PTPRD: variants seen among roughly 807,000 people sequenced by gnomAD.
PTPRD encodes the protein protein tyrosine phosphatase receptor type D.
In PTPRD, 34 loss-of-function variants were observed where a neutral mutation model predicts 214.5. The ratio of observed to expected loss-of-function variants is 0.16; its 90% CI spans 0.12 to 0.21. The LOEUF is 0.21. Among genes scored for constraint, PTPRD ranks in the 10% least tolerant of loss-of-function variants. The pLI is 1.00. For missense variants in PTPRD, 2,545 were observed against 2,398.7 expected (o/e 1.06, Z -1.27); for synonymous variants, 1,128 against 845.7 (o/e 1.33, Z -5.79).
intron 5 of PTPRD, among the ~76,000 whole-genome samples, chr9:9,897,988 A>G (rs2075447925): frequency 6.6e-6 from 1 of 151,776 alleles, no homozygotes; most frequent in Non-Finnish European, 1.5e-5. Flanking sequence ...GTTTAAATAA[A>G]TCTTTACTTA....
intron 3 of PTPRD, among the ~76,000 whole-genome samples, chr9:10,037,284 G>C (rs1052296370): frequency 4.6e-5 from 7 of 152,072 alleles, no homozygotes; most frequent in Non-Finnish European, 1.0e-4. Context: ...GGGCCTGGTG[G>C]GAGGTGATTG....
intron 9 of PTPRD, among the ~76,000 whole-genome samples, chr9:9,379,685 A>T (rs1576970): frequency 0.24 from 36,199 of 151,718 alleles, 4,346 homozygotes; most frequent in Middle Eastern, 0.36. Context: ...TATTTCCATA[A>T]ATTTGGTTTT....
chr9:8,659,313 G>C (rs2096982300), intron 12 of PTPRD, among the ~76,000 whole-genome samples: 1 of 152,192 alleles, frequency 6.6e-6, no homozygotes, highest in African/African-American at 2.4e-5. Flanking sequence ...TACCATGCCA[G>C]AGAAGTCACA....
At chr9:9,939,085 T>C (rs2090590562) in intron 4 of PTPRD, among the ~76,000 whole-genome samples, 1 of 152,144 alleles carries the variant, frequency 6.6e-6, no homozygotes, top group Non-Finnish European at 1.5e-5. Context: ...GCATTAGTTT[T>C]ATGCCTATGC....
At chr9:9,317,847 A>G (rs1213749457) in intron 9 of PTPRD, among the ~76,000 whole-genome samples, 1 of 152,164 alleles carries the variant, frequency 6.6e-6, no homozygotes, top group Non-Finnish European at 1.5e-5. Context: ...CATAATAACA[A>G]TCTATCAGGA....
chr9:9,770,891 G>T (rs2098746785), intron 5 of PTPRD, among the ~76,000 whole-genome samples: 2 of 152,142 alleles, frequency 1.3e-5, no homozygotes, highest in Admixed American at 1.3e-4. Flanking sequence ...TACAGTTACT[G>T]TGCTTTAAAA....
intron 3 of PTPRD, among the ~76,000 whole-genome samples, chr9:10,107,492 T>G (rs2098646036): frequency 6.6e-6 from 1 of 151,872 alleles, no homozygotes; most frequent in Admixed American, 6.6e-5. Context: ...CTTTGCCACT[T>G]ACCGGCTGTG....
At chr9:9,908,875 A>G (rs1232904614) in intron 5 of PTPRD, among the ~76,000 whole-genome samples, 1 of 152,002 alleles carries the variant, frequency 6.6e-6, no homozygotes, top group Non-Finnish European at 1.5e-5. Context: ...TAGGTCGGTA[A>G]CACTTCTTTG....
intron 4 of PTPRD, among the ~76,000 whole-genome samples, chr9:9,952,573 AC>A (rs1316836718): frequency 1.3e-5 from 2 of 152,204 alleles, no homozygotes; most frequent in Non-Finnish European, 2.9e-5. Context: ...AATCCAGAGT[AC>A]AATGATTGAA....
intron 14 of PTPRD, among the ~76,000 whole-genome samples, chr9:8,626,746 A>T (rs573649968): frequency 6.6e-6 from 1 of 151,542 alleles, no homozygotes; most frequent in Non-Finnish European, 1.5e-5. Context: ...TTTGGACCCA[A>T]TCTGAAACAT....
chr9:9,161,466 G>A (rs1431585498), intron 10 of PTPRD, among the ~76,000 whole-genome samples: 1 of 152,120 alleles, frequency 6.6e-6, no homozygotes, highest in Non-Finnish European at 1.5e-5. Flanking sequence ...AGAAGAGAAA[G>A]TGTGGTCTCA....
chr9:9,154,122 C>G (rs1439637886), intron 10 of PTPRD, among the ~76,000 whole-genome samples: 3 of 152,072 alleles, frequency 2.0e-5, no homozygotes, highest in Non-Finnish European at 4.4e-5. Context: ...ATGTATGATC[C>G]TGGGAGCTGC....
At chr9:9,315,892 A>T (rs1962689753) in intron 9 of PTPRD, among the ~76,000 whole-genome samples, 1 of 149,520 alleles carries the variant, frequency 6.7e-6, no homozygotes, top group South Asian at 2.1e-4. Flanking sequence ...TACACAAAGA[A>T]CCTCAGCTAC....
At chr9:8,767,701 G>GT (rs535482209) in intron 11 of PTPRD, among the ~76,000 whole-genome samples, 19 of 152,132 alleles carry the variant, frequency 1.2e-4, no homozygotes, top group Admixed American at 8.5e-4. Context: ...TTTTGTGTTT[G>GT]TTTTTTTAAT....
chr9:9,369,174 G>C (rs1197724448), intron 9 of PTPRD, among the ~76,000 whole-genome samples: 1 of 152,022 alleles, frequency 6.6e-6, no homozygotes, highest in African/African-American at 2.4e-5. Context: ...TTGGACATTT[G>C]AGTTGGTTCC....
intron 9 of PTPRD, among the ~76,000 whole-genome samples, chr9:9,245,229 C>T (rs1403698113): frequency 1.3e-5 from 2 of 152,060 alleles, no homozygotes; most frequent in Non-Finnish European, 2.9e-5. Context: ...AACAGTATGG[C>T]GATTCCTCGG....
chr9:9,354,266 A>C (rs1404828277), intron 9 of PTPRD, among the ~76,000 whole-genome samples: 1 of 151,836 alleles, frequency 6.6e-6, no homozygotes, highest in South Asian at 2.1e-4. Context: ...GGATTTGTAC[A>C]GGGACATGTA....
chr9:8,825,783 C>A (rs1286222476), intron 11 of PTPRD, among the ~76,000 whole-genome samples: 1 of 145,414 alleles, frequency 6.9e-6, no homozygotes, highest in East Asian at 2.0e-4. Flanking sequence ...ATTCATGCCT[C>A]CCCTTTCTAG....
At chr9:8,625,980 T>A (rs1010547938) in intron 14 of PTPRD, among the ~76,000 whole-genome samples, 3 of 151,852 alleles carry the variant, frequency 2.0e-5, no homozygotes, top group Non-Finnish European at 4.4e-5. Flanking sequence ...ATTGTTTTTT[T>A]AATAAGATAT....
Sources: allele counts gnomAD v4.1 joint callset (sites outside exome capture counted in the v4.1 genomes callset), GRCh38; gene constraint gnomAD v4.1.1; transcripts MANE v1.5; gene names NCBI Gene and HGNC (gene_info 2026-07-23, HGNC 2026-07-21).